The following XRRA1 variants were observed in gnomAD, a reference collection of about 807,000 sequenced individuals.
XRRA1 encodes X-ray radiation resistance-associated protein 1.
Under a neutral mutation model 80.2 loss-of-function variants are expected in XRRA1, and 69 were observed. That is an observed-to-expected ratio of 0.86 (90% CI 0.71 to 1.05). The LOEUF is 1.05. XRRA1 is among the 50% of genes least tolerant of loss of function. XRRA1 has a pLI of 0.00. For missense variants in XRRA1, 967 were observed against 976.4 expected (o/e 0.99, Z 0.13); for synonymous variants, 348 against 389.9 (o/e 0.89, Z 1.27).
At chr11:74,849,750 A>T (rs535283004) in intron 14 of XRRA1, among the ~76,000 whole-genome samples, 1 of 152,378 alleles carries the variant, frequency 6.6e-6, no homozygotes, top group South Asian at 2.1e-4. Context: ...ATTACTGCTC[A>T]TCAATGAGAC....
intron 10 of XRRA1, among the ~76,000 whole-genome samples, chr11:74,884,210 A>G (rs1370522978): frequency 6.6e-6 from 1 of 152,224 alleles, no homozygotes; most frequent in Non-Finnish European, 1.5e-5. Flanking sequence ...TGAAAAATCA[A>G]GCTGCAAACA....
intron 10 of XRRA1, among the ~76,000 whole-genome samples, chr11:74,881,970 C>T (rs1311704144): frequency 6.8e-6 from 1 of 147,526 alleles, no homozygotes; most frequent in East Asian, 2.0e-4. Flanking sequence ...TTTGGTGAAT[C>T]TGACAATTAT....
Position 74,907,164 on chromosome 11 carries a change from T to C in XRRA1, c.766A>G (p.Ser256Gly), listed in dbSNP as rs2054787752. The C allele has an allele frequency of 1.2e-6, 2 of 1,613,884 alleles. No homozygotes were observed. The highest frequency in any genetic ancestry group is 1.7e-6 in the Non-Finnish European group (2 of 1,179,878). ...NRLSNPSCFASLAGLRRLKKL... is the reference protein window; with the variant it reads ...NRLSNPSCFAGLAGLRRLKKL... ...CTTTACCTCCTGAGCCCAGCCAGGC[T>C]GGCAAAGCAACTGGGGTTGGAGAGT... Residue 256 changes from serine to glycine, a missense_variant, in exon 9 of 19, where the codon AGC becomes GGC. Physicochemically the swap from Ser to Gly is moderately conservative, Grantham distance 56 (BLOSUM62 0). Coordinates refer to ENST00000684022, the MANE Select transcript of XRRA1 (RefSeq NM_001378157.1).
intron 10 of XRRA1, among the ~76,000 whole-genome samples, chr11:74,873,610 C>T (rs2045385482): frequency 6.6e-6 from 1 of 152,192 alleles, no homozygotes; most frequent in Non-Finnish European, 1.5e-5. Flanking sequence ...TTCCCATCCT[C>T]AGGTCAGGGT....
At chr11:74,889,412 A>G (rs2050023842) in intron 10 of XRRA1, among the ~76,000 whole-genome samples, 1 of 152,220 alleles carries the variant, frequency 6.6e-6, no homozygotes, top group Admixed American at 6.5e-5. Context: ...AGCACTAAAC[A>G]TGGAAAGGAA....
intron 12 of XRRA1, among the ~76,000 whole-genome samples, 166 bp from the exon 13 acceptor site, chr11:74,852,248 C>G (rs920604284): frequency 6.6e-6 from 1 of 152,130 alleles, no homozygotes; most frequent in Non-Finnish European, 1.5e-5. Context: ...TGCCTTGACC[C>G]TGTAATAATA....
chr11:74,862,378 T>C (rs1327892569), intron 11 of XRRA1, among the ~76,000 whole-genome samples: 1 of 152,170 alleles, frequency 6.6e-6, no homozygotes, highest in African/African-American at 2.4e-5. Flanking sequence ...TGTGGGGAGG[T>C]TGTATACTGA....
intron 2 of XRRA1, among the ~76,000 whole-genome samples, chr11:74,944,256 T>C (rs527998044): frequency 2.0e-5 from 3 of 152,256 alleles, no homozygotes; most frequent in East Asian, 1.9e-4. Flanking sequence ...TCTTCCACCA[T>C]TGGGACTTAG....
In XRRA1 at chr11:74,841,289, G is replaced by C. The variant is rs1049986091; in HGVS notation, c.*1911C>G. The stretch of plus-strand genomic sequence containing the variant: ...TTATGAATTCTCAAAAGAGAAAGCA[G>C]GTCTGGGGCGGGGTGGTCAGGAGAC... On this transcript the variant is annotated 3_prime_UTR_variant, in exon 19 of 19. Transcript: ENST00000684022. 6.6e-6 allele frequency: 1 copy of C among 152,296 alleles called. No individual in the cohort carries two copies. Among genetic ancestry groups the C allele is most frequent in the Admixed American group, 6.5e-5 (1 of 15,298 alleles). The allele number at this position is 152,296 out of a possible 1,614,324, so 9.4% of individuals were successfully genotyped here.
intron 10 of XRRA1, among the ~76,000 whole-genome samples, chr11:74,880,363 TTAG>T (rs2047218165): frequency 6.6e-6 from 1 of 152,150 alleles, no homozygotes; most frequent in Non-Finnish European, 1.5e-5. Flanking sequence ...TTTTTCTTTA[TTAG>T]TCTTGCTAGC....
chr11:74,901,904 G>A (rs1481883524), intron 10 of XRRA1, among the ~76,000 whole-genome samples: 2 of 152,082 alleles, frequency 1.3e-5, no homozygotes, highest in Non-Finnish European at 2.9e-5. Flanking sequence ...GGCAACCAAA[G>A]CAAAAATAGA....
intron 8 of XRRA1, among the ~76,000 whole-genome samples, chr11:74,918,583 C>G (rs968768379): frequency 2.0e-5 from 3 of 152,140 alleles, no homozygotes; most frequent in Admixed American, 6.5e-5. Context: ...TGGAGGGAAG[C>G]AGGAGGGTAG....
At chr11:74,925,076 T>C (rs1379798362) in intron 7 of XRRA1, among the ~76,000 whole-genome samples, 1 of 152,210 alleles carries the variant, frequency 6.6e-6, no homozygotes, top group African/African-American at 2.4e-5. Context: ...TTGCTTTCTA[T>C]AGAATTAAGG....
At chr11:74,944,140 T>C (rs1808872683) in intron 2 of XRRA1, among the ~76,000 whole-genome samples, 1 of 152,208 alleles carries the variant, frequency 6.6e-6, no homozygotes. Flanking sequence ...CTTTCATCAG[T>C]ATTTCTTTCG....
At chr11:74,881,983 G>A (rs2047735171) in intron 10 of XRRA1, among the ~76,000 whole-genome samples, 1 of 145,560 alleles carries the variant, frequency 6.9e-6, no homozygotes, top group Non-Finnish European at 1.5e-5. Context: ...ACAATTATGT[G>A]TCTTGGAGTT....
At chr11:74,894,393 C>T (rs567050905) in intron 10 of XRRA1, among the ~76,000 whole-genome samples, 3 of 152,222 alleles carry the variant, frequency 2.0e-5, no homozygotes, top group African/African-American at 2.4e-5. Flanking sequence ...TGAACTTGTA[C>T]ATGTACCCCA....
chr11:74,900,828 G>A (rs1033048053), intron 10 of XRRA1, among the ~76,000 whole-genome samples: 5 of 152,132 alleles, frequency 3.3e-5, no homozygotes, highest in African/African-American at 1.2e-4. Flanking sequence ...AGCTATATAT[G>A]ACAGACACAT....
intron 7 of XRRA1, among the ~76,000 whole-genome samples, chr11:74,925,388 G>T (rs1941972210): frequency 6.6e-6 from 1 of 152,156 alleles, no homozygotes. Flanking sequence ...TGGCAAACAA[G>T]AACAGAAGAT....
chr11:74,883,998 GA>G (rs2048392343), intron 10 of XRRA1, among the ~76,000 whole-genome samples: 1 of 152,056 alleles, frequency 6.6e-6, no homozygotes, highest in Non-Finnish European at 1.5e-5. Context: ...AGGAGTTTGA[GA>G]CCAGCCTGGG....
Sources: allele counts gnomAD v4.1 joint callset (sites outside exome capture counted in the v4.1 genomes callset), GRCh38; gene constraint gnomAD v4.1.1; transcripts MANE v1.5; gene names NCBI Gene and HGNC (gene_info 2026-07-23, HGNC 2026-07-21).